The following SCN9A variants were observed in gnomAD, a reference collection of about 807,000 sequenced individuals.
SCN9A encodes the protein sodium voltage-gated channel alpha subunit 9, also known as sodium channel protein type 9 subunit alpha.
A neutral mutation model predicts 187.0 loss-of-function variants in SCN9A; 131 were observed. That is an observed-to-expected ratio of 0.70 (90% CI 0.61 to 0.81). The LOEUF (loss-of-function observed/expected upper bound fraction) is 0.81, where lower values mean the gene tolerates loss of function less well. Ranked by LOEUF, SCN9A falls within the 30% of genes least tolerant of loss-of-function variation. The pLI, the probability that SCN9A is intolerant of heterozygous loss-of-function variation, is 0.00. For missense variants in SCN9A, 2,252 were observed against 2,396.6 expected, an observed-to-expected ratio of 0.94 and a Z score of 1.26; for synonymous variants, 809 against 808.6, an observed-to-expected ratio of 1.00 and a Z score of -0.01.
chr2:166,305,102 T>G (rs183284329), intron 5 of SCN9A, among the ~76,000 whole-genome samples: 1 of 152,016 alleles, frequency 6.6e-6, no homozygotes, highest in Non-Finnish European at 1.5e-5. Flanking sequence ...CTTAAGACCC[T>G]TCTGTATTGT....
At chr2:166,307,694 T>C (rs1054615861) in intron 2 of SCN9A, among the ~76,000 whole-genome samples, 16 of 152,190 alleles carry the variant, frequency 1.1e-4, no homozygotes, top group African/African-American at 3.6e-4. Context: ...CTAACCACGG[T>C]AATTTAAAAA....
At position 166,293,326 on chromosome 2, in the gene SCN9A, C is replaced by T. The variant is rs2106503566; in HGVS notation, c.1012G>A (p.Asp338Asn). 1 of 1,608,906 alleles carries T rather than the reference C, an allele frequency of 6.2e-7. No homozygotes were observed. The highest frequency in any genetic ancestry group is 2.2e-5 in the East Asian group (1 of 44,780). ...YTCVKIGRNPDYGYTSFDTFS... is the reference protein window; with the variant it reads ...YTCVKIGRNPNYGYTSFDTFS... Reference sequence around the variant, plus strand: ...GTGTCAAAGCTCGTGTAGCCATAATCAGGGTTTCTGCCAATTTTCACACAG... The same window carrying T: ...GTGTCAAAGCTCGTGTAGCCATAATTAGGGTTTCTGCCAATTTTCACACAG... Residue 338 changes from aspartate (D) to asparagine (N), a missense_variant, in exon 9 of 27, where the codon GAT (aspartate) becomes AAT (asparagine). Asp to Asn is a conservative substitution (Grantham distance 23). Around this residue, in one of 7 missense-constraint regions of SCN9A, gnomAD observed 1,013 missense variants for 997.4 expected, o/e 1.02. Transcript: ENST00000642356.
intron 22 of SCN9A, among the ~76,000 whole-genome samples, chr2:166,228,298 C>A (rs1694928765): frequency 1.4e-5 from 2 of 141,304 alleles, no homozygotes; most frequent in South Asian, 4.4e-4. Flanking sequence ...GCTCTGTAGC[C>A]CAGGCTGGAG....
At chr2:166,345,407 G>A (rs1227950446) in intron 1 of SCN9A, among the ~76,000 whole-genome samples, 1 of 152,010 alleles carries the variant, frequency 6.6e-6, no homozygotes. Flanking sequence ...TTCATGGAGA[G>A]TTACAGATGT....
In SCN9A at chr2:166,204,156, T is replaced by A; in HGVS notation, c.4573A>T (p.Ile1525Phe). The change falls in exon 26 of 27, where the codon ATC becomes TTC. Residue 1525 changes from isoleucine to phenylalanine, a missense_variant. Ile to Phe is a conservative substitution (Grantham distance 21). Transcript: ENST00000642356. The stretch of plus-strand genomic sequence containing the variant: ...ATCATGGTTACCATGTTGAGACAGA[T>A]AAGAACCATGATACTAATATCAAAG... ...QAFDISIMVL[I>F]CLNMVTMMVE... is the part of the protein sequence containing the mutation. The A allele has an allele frequency of 6.2e-7, 1 of 1,612,396 alleles. No homozygotes were observed. The highest frequency in any genetic ancestry group is 8.5e-7 in the Non-Finnish European group (1 of 1,178,772).
chr2:166,213,848 A>C (rs1694204112), intron 24 of SCN9A, among the ~76,000 whole-genome samples: 1 of 151,998 alleles, frequency 6.6e-6, no homozygotes, highest in African/African-American at 2.4e-5. Flanking sequence ...CAGTAGAAAA[A>C]CTCATGCACA....
intron 1 of SCN9A, among the ~76,000 whole-genome samples, chr2:166,338,665 T>A (rs1415115259): frequency 1.3e-5 from 2 of 152,106 alleles, no homozygotes; most frequent in Non-Finnish European, 2.9e-5. Context: ...AATTACATCA[T>A]TTTTTATTGC....
intron 3 of SCN9A, 138 bp from the exon 4 acceptor site, chr2:166,306,737 A>G (rs2106527588): frequency 2.8e-6 from 2 of 714,360 alleles, no homozygotes; most frequent in South Asian, 3.4e-5. Flanking sequence ...CTCTTTGAAC[A>G]AGAGAGTAAT....
intron 24 of SCN9A, among the ~76,000 whole-genome samples, chr2:166,207,870 TC>T (rs1558948660): frequency 6.6e-6 from 1 of 152,188 alleles, no homozygotes; most frequent in Non-Finnish European, 1.5e-5. Flanking sequence ...GAAACCCAGA[TC>T]CTTTACTGTT....
At chr2:166,348,314 T>A (rs1373813363) in intron 1 of SCN9A, among the ~76,000 whole-genome samples, 1 of 152,106 alleles carries the variant, frequency 6.6e-6, no homozygotes, top group Non-Finnish European at 1.5e-5. Context: ...AACTCTAATT[T>A]TTCATATACT....
intron 1 of SCN9A, among the ~76,000 whole-genome samples, chr2:166,321,902 A>AGCAT (rs1699254842): frequency 6.6e-6 from 1 of 151,238 alleles, no homozygotes; most frequent in African/African-American, 2.4e-5. Flanking sequence ...CATCCTCCAA[A>AGCAT]CCTGTCAGCT....
At chr2:166,201,837 T>C (rs1693550544) in intron 26 of SCN9A, among the ~76,000 whole-genome samples, 1 of 151,584 alleles carries the variant, frequency 6.6e-6, no homozygotes, top group Non-Finnish European at 1.5e-5. Context: ...AGTGCTACCA[T>C]TCTTCTTTAT....
At chr2:166,302,813 C>T (rs1698613881) in intron 7 of SCN9A, 1 of 181,840 alleles carries the variant, frequency 5.5e-6, no homozygotes, top group African/African-American at 2.4e-5. Flanking sequence ...TTCAAGGCTA[C>T]ATTTATTTCT....
At chr2:166,214,797 A>C (rs1464950114) in intron 24 of SCN9A, among the ~76,000 whole-genome samples, 1 of 151,762 alleles carries the variant, frequency 6.6e-6, no homozygotes, top group Non-Finnish European at 1.5e-5. Flanking sequence ...TACAGGCGTG[A>C]GCCACCGCGC....
Position 166,338,792 on chromosome 2 carries a change from G to T in SCN9A, c.-50-26986C>A, listed in dbSNP as rs73972306. ...ACAAATCAGTTATTTTGTAGAATGC[G>T]TCTCAACTTGGGTTCACTGAATTTT... On this transcript the variant is annotated intron_variant, in intron 1 of 26. Coordinates refer to ENST00000642356, the MANE Select transcript of SCN9A (RefSeq NM_001365536.1). 3.6e-3 allele frequency among the ~76,000 whole-genome samples: 554 copies of T among 152,148 alleles called. 4 individuals are homozygous for T. Among genetic ancestry groups the T allele is most frequent in the African/African-American group, 0.013 (525 of 41,506 alleles).
In SCN9A at chr2:166,197,732, T is replaced by C. The variant is rs752125126; in HGVS notation, c.*940A>G. On this transcript the variant is annotated 3_prime_UTR_variant, in exon 27 of 27. Coordinates refer to ENST00000642356, the MANE Select transcript of SCN9A (RefSeq NM_001365536.1). ...TTACAGCGAAAGGATGACTAAACAATACTGCATAAGAAAGCAGGAAAATTT... is the reference window on the plus strand; with the variant it reads ...TTACAGCGAAAGGATGACTAAACAACACTGCATAAGAAAGCAGGAAAATTT... 7 of 152,154 alleles carry C rather than the reference T, an allele frequency of 4.6e-5. No homozygotes were observed. The highest frequency in any genetic ancestry group is 9.7e-5 in the African/African-American group (4 of 41,444). The allele number at this position is 152,154 out of a possible 1,614,324, so 9.4% of individuals were successfully genotyped here.
At chr2:166,254,813 A>G (rs920024912) in intron 17 of SCN9A, among the ~76,000 whole-genome samples, 1 of 151,320 alleles carries the variant, frequency 6.6e-6, no homozygotes, top group Non-Finnish European at 1.5e-5. Flanking sequence ...GGGAAGTATC[A>G]ATTTTTTTCA....
At chr2:166,223,146 A>G (rs1368831581) in intron 24 of SCN9A, among the ~76,000 whole-genome samples, 1 of 152,094 alleles carries the variant, frequency 6.6e-6, no homozygotes, top group Non-Finnish European at 1.5e-5. Context: ...CATAGAAAAC[A>G]GTATGAAAGT....
intron 1 of SCN9A, among the ~76,000 whole-genome samples, chr2:166,313,486 C>A (rs913084271): frequency 1.3e-5 from 2 of 152,076 alleles, no homozygotes; most frequent in African/African-American, 4.8e-5. Context: ...GCAGTGACTT[C>A]TTTCCTTCAA....
Sources: allele counts gnomAD v4.1 joint callset (sites outside exome capture counted in the v4.1 genomes callset), GRCh38; gene constraint gnomAD v4.1.1; regional missense constraint gnomAD v4.1.1; transcripts MANE v1.5; gene names NCBI Gene and HGNC (gene_info 2026-07-23, HGNC 2026-07-21).